The following ATP9B variants were observed in gnomAD, a reference collection of about 807,000 sequenced individuals.
ATP9B encodes probable phospholipid-transporting ATPase IIB.
In ATP9B, 110 loss-of-function variants were observed where a neutral mutation model predicts 146.1. That is an observed-to-expected ratio of 0.75 (90% CI 0.65 to 0.88). ATP9B has a LOEUF of 0.88. Ranked by LOEUF, ATP9B falls within the 40% of genes least tolerant of loss-of-function variation. ATP9B has a pLI of 0.00. For synonymous variants in ATP9B, 604 were observed against 569.7 expected, an observed-to-expected ratio of 1.06 and a Z score of -0.86; for missense variants, 1,499 against 1,496.4, an observed-to-expected ratio of 1.00 and a Z score of -0.03.
intron 5 of ATP9B, among the ~76,000 whole-genome samples, chr18:79,133,138 C>T (rs1446642358): frequency 1.3e-5 from 2 of 152,046 alleles, no homozygotes; most frequent in Non-Finnish European, 2.9e-5. Flanking sequence ...ATAATGCACC[C>T]GCCTCAGCCT....
intron 26 of ATP9B, among the ~76,000 whole-genome samples, chr18:79,366,850 A>T (rs903417013): frequency 1.3e-5 from 2 of 152,258 alleles, no homozygotes; most frequent in African/African-American, 4.8e-5. Flanking sequence ...GGAGCAAAAA[A>T]GTAAGGAACT....
chr18:79,245,526 A>G (rs2095936184), intron 11 of ATP9B, among the ~76,000 whole-genome samples: 1 of 152,098 alleles, frequency 6.6e-6, no homozygotes. Flanking sequence ...GAAAAGCCTT[A>G]GGAGGGCACC....
intron 4 of ATP9B, among the ~76,000 whole-genome samples, chr18:79,125,368 G>A (rs1405774750): frequency 6.6e-6 from 1 of 152,202 alleles, no homozygotes; most frequent in Non-Finnish European, 1.5e-5. Context: ...CATGACTGTT[G>A]AAGGGGTTTT....
chr18:79,140,184 G>T (rs2147368140), intron 5 of ATP9B, among the ~76,000 whole-genome samples: 1 of 152,274 alleles, frequency 6.6e-6, no homozygotes, highest in Non-Finnish European at 1.5e-5. Flanking sequence ...GGAGGGACGA[G>T]GTTCCCGGTG....
intron 11 of ATP9B, 97 bp downstream of exon 11, chr18:79,214,135 CAT>C: frequency 2.7e-6 from 2 of 732,476 alleles, no homozygotes; most frequent in Non-Finnish European, 2.1e-6. Context: ...TTTGGCTTAA[CAT>C]ATATCTTAAA....
intron 5 of ATP9B, among the ~76,000 whole-genome samples, chr18:79,142,932 A>G (rs928867732): frequency 1.1e-4 from 17 of 152,214 alleles, no homozygotes; most frequent in Admixed American, 2.6e-4. Context: ...GTCAACATAA[A>G]CTGAATGTAA....
chr18:79,352,567 C>T (rs1105428), intron 25 of ATP9B: 58,442 of 152,102 alleles, frequency 0.38, 11,430 homozygotes, highest in Middle Eastern at 0.54. Context: ...ACATCTAGAA[C>T]GAACAGCCAG....
At chr18:79,368,911 G>T (rs2097051800) in intron 26 of ATP9B, among the ~76,000 whole-genome samples, 1 of 151,910 alleles carries the variant, frequency 6.6e-6, no homozygotes, top group Non-Finnish European at 1.5e-5. Flanking sequence ...TTCCCTTCCT[G>T]CCAAGGCCAG....
At chr18:79,337,817 G>A (rs8083950) in intron 19 of ATP9B, among the ~76,000 whole-genome samples, 58,044 of 152,078 alleles carry the variant, frequency 0.38, 11,300 homozygotes, top group Middle Eastern at 0.54. Context: ...CCTGGCCACC[G>A]CCGGCCAGAT....
intron 17 of ATP9B, chr18:79,333,110 A>G (rs2096800478): frequency 6.6e-6 from 1 of 152,366 alleles, no homozygotes; most frequent in Admixed American, 6.5e-5. Flanking sequence ...CCTGATGCCC[A>G]GGAGAGATGA....
intron 8 of ATP9B, among the ~76,000 whole-genome samples, chr18:79,187,756 C>G (rs897509404): frequency 6.6e-6 from 1 of 152,188 alleles, no homozygotes; most frequent in Admixed American, 6.5e-5. Context: ...TCATTAGCAT[C>G]AGTTGTTTCC....
chr18:79,224,844 C>A (rs1441767185), intron 11 of ATP9B, among the ~76,000 whole-genome samples: 1 of 152,086 alleles, frequency 6.6e-6, no homozygotes, highest in African/African-American at 2.4e-5. Context: ...GGTGCTTGTC[C>A]TTGGGGGGTT....
intron 11 of ATP9B, among the ~76,000 whole-genome samples, chr18:79,224,810 C>T (rs890199782): frequency 6.6e-6 from 1 of 152,196 alleles, no homozygotes; most frequent in Admixed American, 6.5e-5. Context: ...GCACCAGCTG[C>T]TCCACCCTGG....
chr18:79,147,968 C>G (rs2094618816), intron 6 of ATP9B, among the ~76,000 whole-genome samples: 2 of 152,088 alleles, frequency 1.3e-5, no homozygotes, highest in African/African-American at 2.4e-5. Flanking sequence ...CACAAATCAC[C>G]AGTATTAGTA....
At chr18:79,073,936 T>C (rs1010423263) in intron 1 of ATP9B, among the ~76,000 whole-genome samples, 1 of 152,232 alleles carries the variant, frequency 6.6e-6, no homozygotes, top group Non-Finnish European at 1.5e-5. Flanking sequence ...ATTGCGAATG[T>C]TCTGGCTCTT....
At chr18:79,356,864 G>A (rs1326299791) in intron 25 of ATP9B, among the ~76,000 whole-genome samples, 2 of 69,932 alleles carry the variant, frequency 2.9e-5, no homozygotes, top group African/African-American at 8.6e-5. Flanking sequence ...TCCGTGTGAG[G>A]GACCCTGTGT....
intron 11 of ATP9B, among the ~76,000 whole-genome samples, chr18:79,245,849 G>A (rs1476623051): frequency 3.4e-5 from 5 of 145,966 alleles, no homozygotes; most frequent in African/African-American, 7.7e-5. Context: ...TACTGACTGC[G>A]GAGGGCACCG....
Position 79,303,624 on chromosome 18 carries a change from A to G in ATP9B, c.1432A>G (p.Met478Val), listed in dbSNP as rs1480686820. The G allele has an allele frequency of 6.2e-7, 1 of 1,613,870 alleles. No individual in the cohort carries two copies. The highest frequency in any genetic ancestry group is 1.1e-5 in the South Asian group (1 of 91,050). Reference sequence around the variant, plus strand: ...CCTAGGAACCCTCACCCAGAATGAAATGATATTTAAGCGGCTGCACCTGGG... The same window carrying G: ...CCTAGGAACCCTCACCCAGAATGAAGTGATATTTAAGCGGCTGCACCTGGG... ...DKTGTLTQNE[M>V]IFKRLHLGTV... The change falls in exon 14 of 30, where the codon ATG (methionine) becomes GTG (valine). Residue 478 changes from methionine to valine, a missense_variant. By Grantham distance (21) the Met-to-Val change is conservative. Coordinates refer to ENST00000426216, the MANE Select transcript of ATP9B (RefSeq NM_198531.5).
intron 21 of ATP9B, among the ~76,000 whole-genome samples, chr18:79,345,165 A>G (rs2096879598): frequency 6.6e-6 from 1 of 152,178 alleles, no homozygotes; most frequent in Admixed American, 6.5e-5. Flanking sequence ...AGCTCAAATC[A>G]TGGAGGATTC....
Sources: gnomAD v4.1 joint callset for allele counts (sites outside exome capture counted in the v4.1 genomes callset) on GRCh38, gnomAD v4.1.1 for gene constraint, MANE v1.5 for transcripts, NCBI Gene and HGNC (gene_info 2026-07-23, HGNC 2026-07-21) for gene names.